EEPD1: variants seen among roughly 807,000 people sequenced by gnomAD.
The protein encoded by EEPD1 is endonuclease/exonuclease/phosphatase family domain-containing protein 1.
EEPD1 carries 17 observed loss-of-function variants against 46.3 expected under a neutral mutation model. That is an observed-to-expected ratio of 0.37 (90% CI 0.25 to 0.55). The LOEUF is 0.55. Ranked by LOEUF, EEPD1 falls within the 20% of genes least tolerant of loss-of-function variation. The pLI is 0.83. For synonymous variants in EEPD1, 313 were observed against 315.6 expected (o/e 0.99, Z 0.09); for missense variants, 673 against 745.6 (o/e 0.90, Z 1.13).
At chr7:36,222,502 A>G (rs1173555750) in intron 2 of EEPD1, among the ~76,000 whole-genome samples, 3 of 152,222 alleles carry the variant, frequency 2.0e-5, no homozygotes, top group Non-Finnish European at 4.4e-5. Flanking sequence ...TGAACTGTAT[A>G]TATAACAGAA....
intron 2 of EEPD1, among the ~76,000 whole-genome samples, chr7:36,164,236 A>G (rs1562670018): frequency 1.3e-5 from 2 of 152,346 alleles, no homozygotes; most frequent in East Asian, 3.9e-4. Flanking sequence ...GAAGCTTTTC[A>G]AGTATCCATC....
chr7:36,206,677 G>C (rs1283076607), intron 2 of EEPD1, among the ~76,000 whole-genome samples: 3 of 152,150 alleles, frequency 2.0e-5, no homozygotes, highest in African/African-American at 7.2e-5. Context: ...ATAAGTTATA[G>C]GTAATAAGAA....
intron 3 of EEPD1, 130 bp downstream of exon 3, chr7:36,239,166 A>G: frequency 1.1e-6 from 1 of 912,690 alleles, no homozygotes; most frequent in Non-Finnish European, 1.7e-6. Context: ...TATTCCTGAC[A>G]GCGAATCATG....
At chr7:36,273,590 G>T (rs564311167) in intron 3 of EEPD1, among the ~76,000 whole-genome samples, 1 of 151,814 alleles carries the variant, frequency 6.6e-6, no homozygotes, top group African/African-American at 2.4e-5. Flanking sequence ...GAGGGAGAAA[G>T]GGGTTTTAAT....
intron 6 of EEPD1, among the ~76,000 whole-genome samples, chr7:36,290,184 A>T (rs1787406697): frequency 6.6e-6 from 1 of 152,202 alleles, no homozygotes; most frequent in Non-Finnish European, 1.5e-5. Context: ...ATGCCAGCTC[A>T]TAACTTCTTT....
intron 2 of EEPD1, among the ~76,000 whole-genome samples, chr7:36,235,236 C>T (rs547022773): frequency 6.6e-6 from 1 of 152,140 alleles, no homozygotes; most frequent in African/African-American, 2.4e-5. Flanking sequence ...AGGCCTCCCC[C>T]ACAGCATCGA....
At chr7:36,219,015 C>G (rs1786084897) in intron 2 of EEPD1, among the ~76,000 whole-genome samples, 1 of 152,084 alleles carries the variant, frequency 6.6e-6, no homozygotes, top group African/African-American at 2.4e-5. Flanking sequence ...GGGTTGGTAT[C>G]TGGAAGTCTG....
intron 2 of EEPD1, among the ~76,000 whole-genome samples, chr7:36,179,851 GCCT>G (rs1785243349): frequency 2.0e-5 from 3 of 152,218 alleles, no homozygotes; most frequent in Non-Finnish European, 4.4e-5. Flanking sequence ...CTTCGGCTCG[GCCT>G]CCTCAGCAGT....
rs368451692 is a variant in EEPD1 at position 36,300,734 on chromosome 7, T to G, written c.*1528T>G. On this transcript the variant is annotated 3_prime_UTR_variant, in exon 8 of 8. Coordinates refer to ENST00000242108, the MANE Select transcript of EEPD1 (RefSeq NM_030636.3). ...CAAAGGCCATCCTTTTGGGGCCACC[T>G]GGCTCCAAGAAGCATCGCTGGTCTT... 6 of 152,208 alleles carry G rather than the reference T, an allele frequency of 3.9e-5. No homozygotes were observed. The East Asian group carries it at 9.6e-4, about 24-fold the overall frequency. 9.4% of individuals were successfully genotyped at this position (152,208 alleles called of 1,614,324 possible). A position where few individuals can be genotyped will look rare whatever the true frequency, so the allele number is the denominator to read the frequency against.
At chr7:36,157,915 T>A (rs1784849473) in intron 2 of EEPD1, among the ~76,000 whole-genome samples, 1 of 152,180 alleles carries the variant, frequency 6.6e-6, no homozygotes. Context: ...CTTCCAATTG[T>A]TCCCGTATTA....
rs946157357 is a variant in EEPD1 at position 36,284,831 on chromosome 7, C to G, written c.1176+11C>G. The G allele has an allele frequency of 1.4e-6, 2 of 1,465,646 alleles. No individual in the cohort carries two copies. Among genetic ancestry groups the G allele is most frequent in the Non-Finnish European group, 1.8e-6 (2 of 1,104,706 alleles). The allele number at this position is 1,465,646 out of a possible 1,614,324, so 90.8% of individuals were successfully genotyped here. ...CTCGGGAGGTTCAAGGTACCCGCTCCACGCCGTCTGTGACGTGGAATCTGC... is the reference window on the plus strand; with the variant it reads ...CTCGGGAGGTTCAAGGTACCCGCTCGACGCCGTCTGTGACGTGGAATCTGC... On this transcript the variant is annotated intron_variant, in intron 5 of 7. Coordinates refer to ENST00000242108, the MANE Select transcript of EEPD1 (RefSeq NM_030636.3).
intron 2 of EEPD1, among the ~76,000 whole-genome samples, chr7:36,194,519 T>C (rs146082170): frequency 1.8e-3 from 277 of 152,290 alleles, no homozygotes; most frequent in Non-Finnish European, 3.5e-3. Context: ...CCCAGGCTTG[T>C]TACCTCTGCA....
At chr7:36,183,796 C>T (rs1283518754) in intron 2 of EEPD1, among the ~76,000 whole-genome samples, 4 of 151,788 alleles carry the variant, frequency 2.6e-5, no homozygotes, top group Non-Finnish European at 4.4e-5. Flanking sequence ...CACTGTGTCC[C>T]GCCAGACTCT....
chr7:36,168,771 GGTT>G (rs1391452384), intron 2 of EEPD1, among the ~76,000 whole-genome samples: 1 of 116,830 alleles, frequency 8.6e-6, no homozygotes, highest in Non-Finnish European at 1.9e-5. Flanking sequence ...AAAAAAAAAA[GGTT>G]GGGGGAGGGG....
chr7:36,246,564 C>G (rs1344369208), intron 3 of EEPD1, among the ~76,000 whole-genome samples: 1 of 152,178 alleles, frequency 6.6e-6, no homozygotes, highest in South Asian at 2.1e-4. Flanking sequence ...CCTTACTTCT[C>G]TCTGGAGAAG....
At chr7:36,170,070 C>T (rs1051506468) in intron 2 of EEPD1, among the ~76,000 whole-genome samples, 7 of 152,164 alleles carry the variant, frequency 4.6e-5, no homozygotes, top group African/African-American at 1.7e-4. Context: ...CCATAGATTG[C>T]TGCCGGCATC....
At chr7:36,206,707 C>T (rs150894928) in intron 2 of EEPD1, among the ~76,000 whole-genome samples, 1 of 152,326 alleles carries the variant, frequency 6.6e-6, no homozygotes, top group East Asian at 1.9e-4. Context: ...TTTTCACAGG[C>T]CCTTCCAGTT....
At chr7:36,198,922 T>C (rs1583803969) in intron 2 of EEPD1, among the ~76,000 whole-genome samples, 1 of 152,008 alleles carries the variant, frequency 6.6e-6, no homozygotes, top group East Asian at 1.9e-4. Flanking sequence ...GAGGAGGTGC[T>C]CTTCTAGATA....
At chr7:36,178,049 G>A (rs575858899) in intron 2 of EEPD1, among the ~76,000 whole-genome samples, 15 of 152,278 alleles carry the variant, frequency 9.9e-5, no homozygotes, top group African/African-American at 3.6e-4. Flanking sequence ...TTTCATTATT[G>A]CTTCAAGTGT....
Sources: gnomAD v4.1 joint callset for allele counts (sites outside exome capture counted in the v4.1 genomes callset) on GRCh38, gnomAD v4.1.1 for gene constraint, MANE v1.5 for transcripts, NCBI Gene and HGNC (gene_info 2026-07-23, HGNC 2026-07-21) for gene names.